OXR1: variants seen among roughly 807,000 people sequenced by gnomAD.
OXR1 encodes oxidation resistance 1, also known as oxidation resistance protein 1.
A neutral mutation model predicts 104.6 loss-of-function variants in OXR1; 41 were observed. The ratio of observed to expected loss-of-function variants is 0.39; its 90% CI spans 0.31 to 0.51. The LOEUF (loss-of-function observed/expected upper bound fraction) is 0.51, where lower values mean the gene tolerates loss of function less well. OXR1 is among the 20% of genes least tolerant of loss of function. The probability of loss-of-function intolerance (pLI) is 0.77; values close to 1 mark genes in which losing one functional copy is unlikely to be tolerated. For synonymous variants in OXR1, 348 were observed against 348.4 expected, an observed-to-expected ratio of 1.00 and a Z score of 0.01; for missense variants, 955 against 1,031.9, an observed-to-expected ratio of 0.93 and a Z score of 1.02.
intron 3 of OXR1, among the ~76,000 whole-genome samples, chr8:106,652,288 G>A (rs929613513): frequency 1.3e-5 from 2 of 151,944 alleles, no homozygotes; most frequent in Non-Finnish European, 2.9e-5. Context: ...CAGCAAATAT[G>A]GATTTTCAAG....
chr8:106,690,401 T>C (rs1829160930), intron 6 of OXR1, among the ~76,000 whole-genome samples: 1 of 151,180 alleles, frequency 6.6e-6, no homozygotes, highest in Non-Finnish European at 1.5e-5. Context: ...TAGATTATAC[T>C]GTAATTATAC....
At chr8:106,389,617 A>G (rs1176612243) in intron 2 of OXR1, among the ~76,000 whole-genome samples, 3 of 152,236 alleles carry the variant, frequency 2.0e-5, no homozygotes, top group Non-Finnish European at 4.4e-5. Context: ...GATCTGACCT[A>G]AAGAACTGAG....
chr8:106,476,252 G>C (rs1282554520), intron 2 of OXR1, among the ~76,000 whole-genome samples: 1 of 151,890 alleles, frequency 6.6e-6, no homozygotes, highest in African/African-American at 2.4e-5. Context: ...ATGGAGGTCT[G>C]GGTGGCCAGG....
intron 2 of OXR1, among the ~76,000 whole-genome samples, chr8:106,416,021 T>C (rs1818664694): frequency 6.6e-6 from 1 of 152,126 alleles, no homozygotes; most frequent in African/African-American, 2.4e-5. Context: ...ACAGAGTCCC[T>C]CTCTTAGAAA....
At chr8:106,434,208 G>C (rs571517511) in intron 2 of OXR1, among the ~76,000 whole-genome samples, 1 of 152,292 alleles carries the variant, frequency 6.6e-6, no homozygotes, top group East Asian at 1.9e-4. Flanking sequence ...ATGCATGCAT[G>C]TTTGTGTGAG....
At chr8:106,463,446 C>T (rs1006288496) in intron 2 of OXR1, among the ~76,000 whole-genome samples, 1 of 152,016 alleles carries the variant, frequency 6.6e-6, no homozygotes, top group African/African-American at 2.4e-5. Flanking sequence ...CATAATCTCC[C>T]CTTAATAAAA....
chr8:106,385,810 T>G (rs1817348430), intron 2 of OXR1, among the ~76,000 whole-genome samples: 1 of 152,174 alleles, frequency 6.6e-6, no homozygotes, highest in South Asian at 2.1e-4. Context: ...AGGCAGTCAC[T>G]GCACATTGGC....
At chr8:106,469,525 A>G (rs1367859919) in intron 2 of OXR1, among the ~76,000 whole-genome samples, 1 of 151,846 alleles carries the variant, frequency 6.6e-6, no homozygotes, top group African/African-American at 2.4e-5. Context: ...TGCCTCAGCT[A>G]TAGAAATATA....
chr8:106,567,545 T>A (rs193029207), intron 3 of OXR1, among the ~76,000 whole-genome samples: 2 of 152,244 alleles, frequency 1.3e-5, no homozygotes, highest in East Asian at 3.9e-4. Flanking sequence ...AAATAAGGAG[T>A]TACTTTTCTG....
At chr8:106,684,166 A>G in intron 5 of OXR1, 80 bp from the exon 6 acceptor site, 1 of 669,166 alleles carries the variant, frequency 1.5e-6, no homozygotes, top group Non-Finnish European at 2.6e-6. Flanking sequence ...GGTAATTGTT[A>G]ATAGTGCTTG....
intron 2 of OXR1, among the ~76,000 whole-genome samples, chr8:106,432,717 A>C (rs1007040994): frequency 6.6e-6 from 1 of 152,138 alleles, no homozygotes; most frequent in African/African-American, 2.4e-5. Context: ...TGCATGTAGG[A>C]TGCATTTATC....
chr8:106,558,870 A>G (rs577024064), intron 3 of OXR1, among the ~76,000 whole-genome samples: 38 of 152,300 alleles, frequency 2.5e-4, no homozygotes, highest in African/African-American at 8.9e-4. Flanking sequence ...CTAAATGCCA[A>G]TAAACCCACA....
At chr8:106,585,561 A>C (rs1818567104) in intron 3 of OXR1, among the ~76,000 whole-genome samples, 1 of 152,174 alleles carries the variant, frequency 6.6e-6, no homozygotes, top group Non-Finnish European at 1.5e-5. Context: ...CTTATGTTAC[A>C]TATCAGCAGA....
chr8:106,467,561 T>C (rs541062085), intron 2 of OXR1, among the ~76,000 whole-genome samples: 1 of 151,962 alleles, frequency 6.6e-6, no homozygotes, highest in East Asian at 1.9e-4. Context: ...CAAAAGAATA[T>C]TGAGCTTTAG....
At chr8:106,649,670 A>G (rs2130999835) in intron 3 of OXR1, among the ~76,000 whole-genome samples, 1 of 152,056 alleles carries the variant, frequency 6.6e-6, no homozygotes, top group East Asian at 1.9e-4. Flanking sequence ...TTTTCCTGAC[A>G]TAAAATTCTA....
At chr8:106,623,868 A>G (rs1821930193) in intron 3 of OXR1, among the ~76,000 whole-genome samples, 1 of 152,210 alleles carries the variant, frequency 6.6e-6, no homozygotes, top group African/African-American at 2.4e-5. Flanking sequence ...ATCCAAATGC[A>G]TCATGTGAGA....
chr8:106,706,165 G>A (rs1831127746), intron 8 of OXR1, among the ~76,000 whole-genome samples: 1 of 152,094 alleles, frequency 6.6e-6, no homozygotes, highest in East Asian at 1.9e-4. Flanking sequence ...TGATATAAAA[G>A]TTTGACTTAA....
intron 3 of OXR1, among the ~76,000 whole-genome samples, chr8:106,587,678 G>A (rs1195600733): frequency 6.6e-6 from 1 of 152,154 alleles, no homozygotes; most frequent in East Asian, 1.9e-4. Flanking sequence ...GGCCATTGCT[G>A]TGCCTGAATA....
chr8:106,291,550 C>T (rs1812752002), intron 1 of OXR1, among the ~76,000 whole-genome samples: 1 of 152,154 alleles, frequency 6.6e-6, no homozygotes, highest in Admixed American at 6.6e-5. Context: ...TGTAGTTTTC[C>T]TTTTCAAGGT....
Sources: allele counts gnomAD v4.1 joint callset (sites outside exome capture counted in the v4.1 genomes callset), GRCh38; gene constraint gnomAD v4.1.1; transcripts MANE v1.5; gene names NCBI Gene and HGNC (gene_info 2026-07-23, HGNC 2026-07-21).